DDAH1: variants seen among roughly 807,000 people sequenced by gnomAD.
DDAH1 encodes the protein N(G),N(G)-dimethylarginine dimethylaminohydrolase 1.
A neutral mutation model predicts 28.8 loss-of-function variants in DDAH1; 19 were observed. The observed-to-expected ratio is 0.66, with a 90% confidence interval of 0.46 to 0.97. DDAH1 has a LOEUF of 0.97. DDAH1 is among the 50% of genes least tolerant of loss of function. The pLI is 0.00. For missense variants in DDAH1, 326 were observed against 375.9 expected (o/e 0.87, Z 1.10); for synonymous variants, 153 against 154.4 (o/e 0.99, Z 0.07).
Position 85,319,995 on chromosome 1 carries a change from CTT to C in DDAH1, c.*1455_*1456del, listed in dbSNP as rs1557445884. On this transcript the variant is annotated 3_prime_UTR_variant, in exon 6 of 6. Coordinates refer to ENST00000284031, the MANE Select transcript of DDAH1 (RefSeq NM_012137.4). ...GATTTGAAGTGATACTTCTTAATCT[CTT>C]TGATTCTTAATCTTAAACAACAAGC... is the stretch of plus-strand genomic sequence containing the variant. 1 of 152,164 alleles carries C rather than the reference CTT, an allele frequency of 6.6e-6. No homozygotes were observed. Among genetic ancestry groups the C allele is most frequent in the African/African-American group, 2.4e-5 (1 of 41,436 alleles). The allele number at this position is 152,164 out of a possible 1,614,324, so 9.4% of individuals were successfully genotyped here. A position where few individuals can be genotyped will look rare whatever the true frequency, so the allele number is the denominator to read the frequency against.
In DDAH1 at chr1:85,577,970, G is replaced by A. The variant is rs552629005; in HGVS notation, c.-123+14C>T. 42 of 985,400 alleles carry A rather than the reference G, an allele frequency of 4.3e-5. No homozygotes were observed. The South Asian group carries it at 1.8e-3, about 42-fold the overall frequency. The allele number at this position is 985,400 out of a possible 1,614,324, so 61.0% of individuals were successfully genotyped here. ...AAAGAGCCATACAGAATTAGCACCC[G>A]AAGCAACACTTACCCATAAACATTT... On this transcript the variant is annotated intron_variant, in intron 1 of 6. Coordinates refer to the DDAH1 transcript ENST00000426972.
At chr1:85,341,921 T>G (rs1203195883) in intron 4 of DDAH1, among the ~76,000 whole-genome samples, 1 of 152,154 alleles carries the variant, frequency 6.6e-6, no homozygotes, top group Non-Finnish European at 1.5e-5. Context: ...GTGAGCCCAC[T>G]CTGAAGTGAT....
chr1:85,516,843 C>G (rs1454065246), intron 1 of DDAH1, among the ~76,000 whole-genome samples: 2 of 152,014 alleles, frequency 1.3e-5, no homozygotes, highest in Non-Finnish European at 2.9e-5. Context: ...TGCTTCTACA[C>G]AACTAAGTAG....
At chr1:85,478,387 A>G (rs533538952) in intron 2 of DDAH1, among the ~76,000 whole-genome samples, 132 of 152,346 alleles carry the variant, frequency 8.7e-4, no homozygotes, top group Non-Finnish European at 1.5e-3. Flanking sequence ...TAGTTTATAC[A>G]GGAAAGAAGT....
intron 1 of DDAH1, among the ~76,000 whole-genome samples, chr1:85,500,139 TTTCTTTC>T (rs763646417): frequency 1.0e-5 from 1 of 99,236 alleles, no homozygotes; most frequent in Non-Finnish European, 2.4e-5. Context: ...TCTTTCTTTC[TTTCTTTC>T]TTTTCTTTCT....
intron 1 of DDAH1, among the ~76,000 whole-genome samples, chr1:85,457,343 T>TA (rs762342253): frequency 2.0e-5 from 3 of 152,170 alleles, no homozygotes; most frequent in East Asian, 3.9e-4. Flanking sequence ...GAAGCCTTGG[T>TA]GTGGGTGAGA....
chr1:85,417,899 A>C (rs1371344905), intron 1 of DDAH1, among the ~76,000 whole-genome samples: 1 of 152,256 alleles, frequency 6.6e-6, no homozygotes, highest in East Asian at 1.9e-4. Flanking sequence ...ATGGTCACAA[A>C]GACTGTTTTA....
Position 85,324,768 on chromosome 1 carries a change from G to T in DDAH1, c.713C>A (p.Thr238Asn). The change falls in exon 5 of 6, where the codon ACC becomes AAC. Residue 238 changes from threonine (T) to asparagine (N), a missense_variant. Transcript: ENST00000284031. The stretch of plus-strand genomic sequence containing the variant: ...TGCACTTTCTGGATACTCTTCCGGG[G>T]TTCGGTGCAGCAAGACGTGCCCTTT... Reference protein sequence around the residue: ...PNKGHVLLHRTPEEYPESAKV... With the variant: ...PNKGHVLLHRNPEEYPESAKV... 2 of 1,614,128 alleles carry T rather than the reference G, an allele frequency of 1.2e-6. No homozygotes were observed. Among genetic ancestry groups the T allele is most frequent in the Non-Finnish European group, 1.7e-6 (2 of 1,180,010 alleles).
At chr1:85,517,137 T>C (rs1657503112) in intron 1 of DDAH1, among the ~76,000 whole-genome samples, 1 of 152,106 alleles carries the variant, frequency 6.6e-6, no homozygotes, top group Admixed American at 6.5e-5. Context: ...GAAAAATTAA[T>C]AGTGTTAGGT....
intron 1 of DDAH1, among the ~76,000 whole-genome samples, chr1:85,362,442 C>T (rs1013941352): frequency 6.6e-6 from 1 of 152,162 alleles, no homozygotes; most frequent in African/African-American, 2.4e-5. Context: ...TTCTCAATGC[C>T]TGGTCTCCTT....
chr1:85,481,098 G>GTTTTTTTTTTT (rs71075839), intron 2 of DDAH1, among the ~76,000 whole-genome samples: 21 of 113,466 alleles, frequency 1.9e-4, no homozygotes, highest in South Asian at 2.7e-4. Context: ...TGGGTTTTTT[G>GTTTTTTTTTTT]TTTTTTTTTT....
At chr1:85,391,952 G>A (rs1180488967) in intron 1 of DDAH1, among the ~76,000 whole-genome samples, 1 of 152,028 alleles carries the variant, frequency 6.6e-6, no homozygotes, top group African/African-American at 2.4e-5. Context: ...TTATCCTGTA[G>A]GTAGACACCA....
rs1309925734 is a variant in DDAH1 at position 85,319,195 on chromosome 1, AG to A, written c.*2256del. 6.6e-6 allele frequency: 1 copy of A among 152,220 alleles called. No homozygotes were observed. Among genetic ancestry groups the A allele is most frequent in the Non-Finnish European group, 1.5e-5 (1 of 68,038 alleles). The allele number at this position is 152,220 out of a possible 1,614,324, so 9.4% of individuals were successfully genotyped here. A position where few individuals can be genotyped will look rare whatever the true frequency, so the allele number is the denominator to read the frequency against. On this transcript the variant is annotated 3_prime_UTR_variant, in exon 6 of 6. Coordinates refer to ENST00000284031, the MANE Select transcript of DDAH1 (RefSeq NM_012137.4). ...TTTTCACATCATCAATCATATAGGG[AG>A]TCCAAAGAAGCCAGCCTAGCAGGTA...
At chr1:85,344,169 C>T (rs1648686114) in intron 4 of DDAH1, among the ~76,000 whole-genome samples, 2 of 152,264 alleles carry the variant, frequency 1.3e-5, no homozygotes, top group Non-Finnish European at 1.5e-5. Context: ...GAGTGGTGAT[C>T]TCATAATTCT....
At chr1:85,449,399 C>G (rs1166162420) in intron 1 of DDAH1, among the ~76,000 whole-genome samples, 4 of 151,974 alleles carry the variant, frequency 2.6e-5, no homozygotes, top group African/African-American at 9.7e-5. Flanking sequence ...AGATGTAAAC[C>G]CAGTTAATGG....
intron 2 of DDAH1, among the ~76,000 whole-genome samples, chr1:85,472,106 C>G (rs756438274): frequency 3.3e-5 from 5 of 152,186 alleles, no homozygotes; most frequent in Non-Finnish European, 7.3e-5. Flanking sequence ...AAATATTACT[C>G]CAACTTTCCT....
chr1:85,538,629 A>G (rs1184838615), intron 1 of DDAH1, among the ~76,000 whole-genome samples: 7 of 42,398 alleles, frequency 1.7e-4, no homozygotes, highest in South Asian at 7.8e-4. Flanking sequence ...CAAGAGAGGG[A>G]AAAAAAAAAG....
At chr1:85,424,268 G>A (rs1465693222) in intron 1 of DDAH1, among the ~76,000 whole-genome samples, 2 of 152,092 alleles carry the variant, frequency 1.3e-5, no homozygotes, top group Admixed American at 6.6e-5. Context: ...TTTTCTGGAA[G>A]AGATTAAGGA....
At chr1:85,515,930 T>C (rs1213050904) in intron 1 of DDAH1, among the ~76,000 whole-genome samples, 6 of 152,224 alleles carry the variant, frequency 3.9e-5, no homozygotes, top group Admixed American at 3.9e-4. Context: ...TAAGATCAAG[T>C]TGATGTCGAC....
Sources: allele counts gnomAD v4.1 joint callset (sites outside exome capture counted in the v4.1 genomes callset), GRCh38; gene constraint gnomAD v4.1.1; transcripts MANE v1.5; gene names NCBI Gene and HGNC (gene_info 2026-07-23, HGNC 2026-07-21).